GNAI1: variants seen among roughly 807,000 people sequenced by gnomAD.
GNAI1 encodes the protein guanine nucleotide-binding protein G(i) subunit alpha-1.
A neutral mutation model predicts 38.9 loss-of-function variants in GNAI1; 11 were observed. That is an observed-to-expected ratio of 0.28 (90% CI 0.18 to 0.47). The LOEUF (loss-of-function observed/expected upper bound fraction) is 0.47. Among genes scored for constraint, GNAI1 ranks in the 20% least tolerant of loss-of-function variants. GNAI1 has a pLI of 0.99. For missense variants in GNAI1, 317 were observed against 436.9 expected, an observed-to-expected ratio of 0.73 and a Z score of 2.45; for synonymous variants, 166 against 145.1, an observed-to-expected ratio of 1.14 and a Z score of -1.04.
In GNAI1 at chr7:80,135,648, AC is replaced by A. The variant is rs1283561599; in HGVS notation, c.118+381del. 5.0e-4 allele frequency: 19 copies of A among 38,336 alleles called. 4 individuals carry two copies. The highest frequency in any genetic ancestry group is 1.3e-3 in the African/African-American group (11 of 8,478). 2.4% of individuals were successfully genotyped at this position (38,336 alleles called of 1,614,324 possible). ...GCATTCGCGGCTAGAAAATGAAAAC[AC>A]CCCCCCCCCCGCGCCACCAACCCCC... On this transcript the variant is annotated intron_variant, in intron 1 of 7. Coordinates refer to ENST00000649796, the MANE Select transcript of GNAI1 (RefSeq NM_002069.6).
chr7:80,170,267 A>AACAT (rs1430517830), intron 1 of GNAI1, among the ~76,000 whole-genome samples: 2 of 152,188 alleles, frequency 1.3e-5, no homozygotes, highest in Non-Finnish European at 2.9e-5. Flanking sequence ...GCAGTGTATG[A>AACAT]AGATTCCATA....
rs993045455 is a variant in GNAI1, at chr7:80,223,192, C to G, written c.*5699C>G. On this transcript the variant is annotated 3_prime_UTR_variant, in exon 8 of 8. Transcript: ENST00000649796. ...GTACATAGAGTAGGACTCTTGAGAG[C>G]CTAAGGGCCACAGAAATTCCTTTTC... Among the ~76,000 whole-genome samples the G allele has an allele frequency of 6.6e-6, 1 of 152,140 alleles. No homozygotes were observed. Among genetic ancestry groups the G allele is most frequent in the African/African-American group, 2.4e-5 (1 of 41,444 alleles).
chr7:80,171,170 C>T (rs1481574337), intron 1 of GNAI1, among the ~76,000 whole-genome samples: 5 of 152,122 alleles, frequency 3.3e-5, no homozygotes, highest in African/African-American at 7.2e-5. Context: ...TACCTACGTA[C>T]GCCTTTTCTG....
At chr7:80,212,900 A>G (rs1326212506) in intron 7 of GNAI1, 31 bp downstream of exon 7, 3 of 1,445,818 alleles carry the variant, frequency 2.1e-6, no homozygotes, top group South Asian at 1.3e-5. Flanking sequence ...TAACTTGTCA[A>G]GTTACATATT....
Position 80,225,481 on chromosome 7 carries a change from G to A in GNAI1, c.*7988G>A, listed in dbSNP as rs1394570594. Reference sequence around the variant, plus strand: ...GTGTTGTGTTTTGTTTTTTTAATATGTTTCAATTCCCCTAGCCAAATTCCT... The same window carrying A: ...GTGTTGTGTTTTGTTTTTTTAATATATTTCAATTCCCCTAGCCAAATTCCT... On this transcript the variant is annotated 3_prime_UTR_variant, in exon 8 of 8. Transcript: ENST00000649796. Among the ~76,000 whole-genome samples the A allele has an allele frequency of 6.6e-6, 1 of 151,742 alleles. No homozygotes were observed. Among genetic ancestry groups the A allele is most frequent in the Non-Finnish European group, 1.5e-5 (1 of 67,928 alleles).
chr7:80,146,634 G>T (rs758701480), intron 1 of GNAI1, among the ~76,000 whole-genome samples: 1 of 152,036 alleles, frequency 6.6e-6, no homozygotes, highest in Admixed American at 6.5e-5. Context: ...CTGGGGTGGG[G>T]CCTGAGATTC....
At chr7:80,142,813 C>T (rs1259458070) in intron 1 of GNAI1, among the ~76,000 whole-genome samples, 1 of 149,692 alleles carries the variant, frequency 6.7e-6, no homozygotes, top group Non-Finnish European at 1.5e-5. Flanking sequence ...TTTTGGGGAC[C>T]ATATTCTTGT....
In GNAI1 at chr7:80,221,345, T is replaced by A. The variant is rs1584062373; in HGVS notation, c.*3852T>A. Among the ~76,000 whole-genome samples the A allele has an allele frequency of 1.3e-5, 2 of 152,198 alleles. No homozygotes were observed. Among genetic ancestry groups the A allele is most frequent in the African/African-American group, 4.8e-5 (2 of 41,448 alleles). ...TAAGTACCTAGAGGGGAGTGTGGAA[T>A]GTATAAGCCGTCAATACAATTTGCT... On this transcript the variant is annotated 3_prime_UTR_variant, in exon 8 of 8. Transcript: ENST00000649796.
intron 4 of GNAI1, among the ~76,000 whole-genome samples, chr7:80,202,929 G>A (rs906012394): frequency 1.3e-5 from 2 of 152,054 alleles, no homozygotes; most frequent in Admixed American, 1.3e-4. Context: ...CATTATTCAT[G>A]TTTCTGTTTA....
At chr7:80,178,269 A>G (rs144862720) in intron 1 of GNAI1, among the ~76,000 whole-genome samples, 53 of 152,334 alleles carry the variant, frequency 3.5e-4, no homozygotes, top group African/African-American at 1.2e-3. Flanking sequence ...TGCTGTGAAC[A>G]TTGTTGAAAT....
intron 1 of GNAI1, among the ~76,000 whole-genome samples, chr7:80,188,181 C>T (rs1190472937): frequency 6.6e-6 from 1 of 152,148 alleles, no homozygotes; most frequent in East Asian, 1.9e-4. Context: ...ACACATATTC[C>T]ATGAGACATA....
At position 80,173,767 on chromosome 7, in the gene GNAI1, G is replaced by A. The variant is rs147118567; in HGVS notation, c.119-15184G>A. On this transcript the variant is annotated intron_variant, in intron 1 of 7. Transcript: ENST00000649796. ...TGCTATAACTCATAGCTTGCTTGGA[G>A]CTTACCTGCTTGAGTTCCCTCTAAG... Among the ~76,000 whole-genome samples, 945 of 152,274 alleles carry A rather than the reference G, an allele frequency of 6.2e-3. 3 individuals carry two copies. Among genetic ancestry groups the A allele is most frequent in the Non-Finnish European group, 7.7e-3 (525 of 68,014 alleles).
chr7:80,156,303 A>T (rs191175701), intron 1 of GNAI1, among the ~76,000 whole-genome samples: 1 of 152,326 alleles, frequency 6.6e-6, no homozygotes, highest in East Asian at 1.9e-4. Context: ...GAAATAAAAG[A>T]TTCTTATACT....
intron 5 of GNAI1, among the ~76,000 whole-genome samples, chr7:80,209,663 G>A (rs977887269): frequency 1.3e-5 from 2 of 152,272 alleles, no homozygotes; most frequent in South Asian, 2.1e-4. Context: ...GTTATTGGAT[G>A]GACAGAGGAT....
intron 3 of GNAI1, among the ~76,000 whole-genome samples, chr7:80,196,905 CAT>C (rs1019467342): frequency 8.6e-5 from 13 of 151,820 alleles, no homozygotes; most frequent in African/African-American, 2.9e-4. Flanking sequence ...CATTATCTCA[CAT>C]AGTTAATTTT....
chr7:80,221,884 A>C lies in GNAI1; in HGVS notation c.*4391A>C, dbSNP rs918620394. Among the ~76,000 whole-genome samples the C allele has an allele frequency of 2.0e-5, 3 of 151,722 alleles. No individual in the cohort carries two copies. Among genetic ancestry groups the C allele is most frequent in the South Asian group, 2.1e-4 (1 of 4,818 alleles). On this transcript the variant is annotated 3_prime_UTR_variant, in exon 8 of 8. Transcript: ENST00000649796. ...CTTGATCACCTGACCTTGTGATCTG[A>C]CCGCCTCGGCCTCCCAAAGTGCTGG...
intron 1 of GNAI1, among the ~76,000 whole-genome samples, chr7:80,175,680 A>T (rs1478021221): frequency 6.6e-6 from 1 of 151,962 alleles, no homozygotes; most frequent in Non-Finnish European, 1.5e-5. Flanking sequence ...TAGTTCTTAC[A>T]ATATTTCAGA....
chr7:80,210,836 A>C, intron 5 of GNAI1, 133 bp from the exon 6 acceptor site: 1 of 599,616 alleles, frequency 1.7e-6, no homozygotes, highest in Non-Finnish European at 2.6e-6. Flanking sequence ...TTTTTCTCCC[A>C]TAAAGTCCTT....
At chr7:80,165,902 C>CTT (rs1788003600) in intron 1 of GNAI1, among the ~76,000 whole-genome samples, 1 of 152,036 alleles carries the variant, frequency 6.6e-6, no homozygotes, top group Non-Finnish European at 1.5e-5. Context: ...ATCTTTGTTA[C>CTT]TTTTACTTCG....
Sources: gnomAD v4.1 joint callset for allele counts (sites outside exome capture counted in the v4.1 genomes callset) on GRCh38, gnomAD v4.1.1 for gene constraint, MANE v1.5 for transcripts, NCBI Gene and HGNC (gene_info 2026-07-23, HGNC 2026-07-21) for gene names.